The following ADGB variants were observed in gnomAD, a reference collection of about 807,000 sequenced individuals.
ADGB encodes the protein calpain-7-like protein.
In ADGB, 172 loss-of-function variants were observed where a neutral mutation model predicts 210.5. The observed-to-expected ratio is 0.82, with a 90% CI of 0.72 to 0.93. ADGB has a LOEUF of 0.93. ADGB is among the 40% of genes least tolerant of loss of function. The pLI is 0.00. For synonymous variants in ADGB, 658 were observed against 662.7 expected (o/e 0.99, Z 0.11); for missense variants, 2,025 against 1,964.8 (o/e 1.03, Z -0.58).
chr6:146,633,178 A>C (rs529925430), intron 1 of ADGB, among the ~76,000 whole-genome samples: 5 of 152,086 alleles, frequency 3.3e-5, no homozygotes, highest in Non-Finnish European at 7.4e-5. Context: ...TCTGTCGATA[A>C]GGAAATATCA....
intron 27 of ADGB, among the ~76,000 whole-genome samples, chr6:146,758,839 C>T (rs951957714): frequency 2.0e-5 from 3 of 151,796 alleles, no homozygotes; most frequent in Non-Finnish European, 4.4e-5. Flanking sequence ...AGGCTATTTC[C>T]ATTTATTCAT....
intron 20 of ADGB, among the ~76,000 whole-genome samples, chr6:146,731,285 A>T (rs1488419724): frequency 6.6e-6 from 1 of 151,978 alleles, no homozygotes; most frequent in Admixed American, 6.6e-5. Context: ...GTAAACTCTT[A>T]TCCATTCTTC....
chr6:146,624,973 T>G (rs1413570946), intron 1 of ADGB, among the ~76,000 whole-genome samples: 1 of 152,006 alleles, frequency 6.6e-6, no homozygotes, highest in Non-Finnish European at 1.5e-5. Context: ...TATTGAGACA[T>G]TCTATGTATT....
rs185759368 is a variant in ADGB, at chr6:146,663,697, A to G, written c.613-504A>G. Among the ~76,000 whole-genome samples, 3 of 152,148 alleles carry G rather than the reference A, an allele frequency of 2.0e-5. No homozygotes were observed. The East Asian group carries it at 5.8e-4, about 29-fold the overall frequency. The stretch of plus-strand genomic sequence containing the variant: ...GTATTTATCCTTTTGCATCTGGCTT[A>G]TTTCTCTGTGGTTTCTTGTTGATCA... On this transcript the variant is annotated intron_variant, in intron 5 of 35. Coordinates refer to ENST00000397944, the MANE Select transcript of ADGB (RefSeq NM_024694.4).
At chr6:146,735,340 GGA>G (rs994281915) in intron 22 of ADGB, among the ~76,000 whole-genome samples, 66 of 152,250 alleles carry the variant, frequency 4.3e-4, no homozygotes, top group African/African-American at 1.3e-3. Flanking sequence ...GTTTGCATCT[GGA>G]CAGAGCCTTT....
chr6:146,721,156 C>T (rs530178409), intron 16 of ADGB, among the ~76,000 whole-genome samples: 1 of 152,284 alleles, frequency 6.6e-6, no homozygotes, highest in African/African-American at 2.4e-5. Context: ...GAGGAGAGCT[C>T]TGCCTCTCTC....
At chr6:146,692,010 G>A (rs931948549) in intron 11 of ADGB, among the ~76,000 whole-genome samples, 3 of 151,726 alleles carry the variant, frequency 2.0e-5, no homozygotes, top group African/African-American at 7.3e-5. Context: ...ACACTTGAAA[G>A]GAAAACAAAA....
At chr6:146,772,129 A>T (rs562299010) in intron 29 of ADGB, among the ~76,000 whole-genome samples, 38 of 152,278 alleles carry the variant, frequency 2.5e-4, no homozygotes, top group South Asian at 4.1e-4. Flanking sequence ...TCTCATCATA[A>T]ATCATAAAAG....
chr6:146,672,477 T>C lies in ADGB; in HGVS notation c.1087+10T>C. ...GACAAAGTTCCAAAGGGTAAGATATTTTACATCAAAATGTGATTCAGTATG... is the reference window on the plus strand; with the variant it reads ...GACAAAGTTCCAAAGGGTAAGATATCTTACATCAAAATGTGATTCAGTATG... On this transcript the variant is annotated intron_variant, in intron 8 of 35. Transcript: ENST00000397944. 1 of 1,524,574 alleles carries C rather than the reference T, an allele frequency of 6.6e-7. No homozygotes were observed. Among genetic ancestry groups the C allele is most frequent in the East Asian group, 2.5e-5 (1 of 40,708 alleles). 94.4% of individuals were successfully genotyped at this position (1,524,574 alleles called of 1,614,324 possible).
At chr6:146,717,860 A>G (rs1776757159) in intron 16 of ADGB, among the ~76,000 whole-genome samples, 1 of 152,204 alleles carries the variant, frequency 6.6e-6, no homozygotes, top group Non-Finnish European at 1.5e-5. Context: ...AAAAATTTGA[A>G]TTATGAAAAA....
rs1382937479 is a variant in ADGB at position 146,726,216 on chromosome 6, G to T, written c.2352+19G>T. 6.8e-7 allele frequency: 1 copy of T among 1,460,844 alleles called. No individual in the cohort carries two copies. Among genetic ancestry groups the T allele is most frequent in the East Asian group, 2.5e-5 (1 of 40,024 alleles). 90.5% of individuals were successfully genotyped at this position (1,460,844 alleles called of 1,614,324 possible). ...TGAACCAGTAAGTATTTTTGCAACA[G>T]CAAGTTATTTATTTATTTATTTAGA... On this transcript the variant is annotated intron_variant, in intron 19 of 35. Transcript: ENST00000397944.
chr6:146,709,411 G>C (rs1776624957), intron 13 of ADGB, among the ~76,000 whole-genome samples: 1 of 152,164 alleles, frequency 6.6e-6, no homozygotes, highest in Non-Finnish European at 1.5e-5. Flanking sequence ...TTCCTGGCAG[G>C]TTGCCCACAG....
At chr6:146,609,007 C>T (rs1780668764) in intron 1 of ADGB, among the ~76,000 whole-genome samples, 1 of 152,162 alleles carries the variant, frequency 6.6e-6, no homozygotes, top group African/African-American at 2.4e-5. Flanking sequence ...TTATCTAAGT[C>T]TCTTCATAGT....
At chr6:146,775,695 A>G (rs147386737) in intron 29 of ADGB, among the ~76,000 whole-genome samples, 1 of 152,162 alleles carries the variant, frequency 6.6e-6, no homozygotes, top group Non-Finnish European at 1.5e-5. Context: ...TAGCAGTATT[A>G]TAACACTATT....
chr6:146,638,665 T>C (rs1322783086), intron 2 of ADGB, among the ~76,000 whole-genome samples: 4 of 150,260 alleles, frequency 2.7e-5, no homozygotes, highest in Admixed American at 2.0e-4. Context: ...AATGATGAGT[T>C]ACTGGGTGCA....
At chr6:146,613,437 A>G (rs888124742) in intron 1 of ADGB, among the ~76,000 whole-genome samples, 6 of 152,212 alleles carry the variant, frequency 3.9e-5, no homozygotes, top group Admixed American at 3.9e-4. Context: ...TTAAGAAAGC[A>G]TGCTGGCTGC....
chr6:146,699,303 C>A (rs1319331348), intron 12 of ADGB, among the ~76,000 whole-genome samples: 1 of 152,088 alleles, frequency 6.6e-6, no homozygotes, highest in Non-Finnish European at 1.5e-5. Context: ...ACCCAGGAAG[C>A]TGATGGTGTA....
At chr6:146,647,688 T>A (rs59029255) in intron 3 of ADGB, among the ~76,000 whole-genome samples, 1 of 151,944 alleles carries the variant, frequency 6.6e-6, no homozygotes, top group Non-Finnish European at 1.5e-5. Context: ...TAGAACCAGA[T>A]GAAAAAAGTT....
At chr6:146,602,108 C>A (rs1182509685) in intron 1 of ADGB, among the ~76,000 whole-genome samples, 1 of 152,120 alleles carries the variant, frequency 6.6e-6, no homozygotes, top group Non-Finnish European at 1.5e-5. Flanking sequence ...TAAACAATTT[C>A]TATTTTATCT....
Sources: allele counts gnomAD v4.1 joint callset (sites outside exome capture counted in the v4.1 genomes callset), GRCh38; gene constraint gnomAD v4.1.1; transcripts MANE v1.5; gene names NCBI Gene and HGNC (gene_info 2026-07-23, HGNC 2026-07-21).